IDO2: variants seen among roughly 807,000 people sequenced by gnomAD.
IDO2 encodes indoleamine 2,3-dioxygenase 2.
A neutral mutation model predicts 45.1 loss-of-function variants in IDO2; 46 were observed. The ratio of observed to expected loss-of-function variants is 1.02; its 90% CI spans 0.80 to 1.30. The LOEUF is 1.30. Among genes scored for constraint, IDO2 ranks in the 50% most tolerant of loss-of-function variants. The probability of loss-of-function intolerance (pLI) is 0.00; values close to 1 mark genes in which losing one functional copy is unlikely to be tolerated. For missense variants in IDO2, 544 were observed against 491.8 expected, an observed-to-expected ratio of 1.11 and a Z score of -1.00; for synonymous variants, 218 against 184.9, an observed-to-expected ratio of 1.18 and a Z score of -1.45.
At chr8:39,975,262 T>G (rs1808243203) in intron 3 of IDO2, among the ~76,000 whole-genome samples, 1 of 150,908 alleles carries the variant, frequency 6.6e-6, no homozygotes, top group Admixed American at 6.6e-5. Flanking sequence ...ACCTCCTGGG[T>G]TCACGCCATT....
intron 1 of IDO2, among the ~76,000 whole-genome samples, chr8:39,938,963 C>T (rs1020452191): frequency 6.6e-6 from 1 of 152,134 alleles, no homozygotes; most frequent in Non-Finnish European, 1.5e-5. Flanking sequence ...CAGTAGAAAT[C>T]CACACTCATG....
chr8:40,013,285 T>C (rs868111104), intron 9 of IDO2, among the ~76,000 whole-genome samples: 30 of 152,154 alleles, frequency 2.0e-4, no homozygotes, highest in African/African-American at 7.2e-4. Flanking sequence ...AATAAATATG[T>C]CTTGGGACCT....
At chr8:40,015,168 TAAAA>T in intron 10 of IDO2, 75 bp from the exon 11 acceptor site, 2 of 841,044 alleles carry the variant, frequency 2.4e-6, no homozygotes, top group Non-Finnish European at 1.8e-6. Context: ...AAAAAAAAAA[TAAAA>T]AAGAAGAAGA....
At chr8:40,008,986 T>C (rs1802263478) in intron 9 of IDO2, among the ~76,000 whole-genome samples, 1 of 150,576 alleles carries the variant, frequency 6.6e-6, no homozygotes, top group South Asian at 2.1e-4. Context: ...TGATTTATCC[T>C]ATTTTTGATT....
At chr8:39,949,213 G>C in exon 2 of IDO2, 1 of 1,607,216 alleles carries the variant, frequency 6.2e-7, no homozygotes, top group Non-Finnish European at 8.5e-7. Flanking sequence ...CATTGTCTTT[G>C]GAAAGCTATC....
chr8:39,982,696 G>T (rs771490933), exon 5 of IDO2: 111 of 1,611,838 alleles, frequency 6.9e-5, no homozygotes, highest in Non-Finnish European at 8.5e-7. Context: ...AAGTCTCCAG[G>T]AACTTGGGGC....
intron 4 of IDO2, among the ~76,000 whole-genome samples, chr8:39,981,776 G>T (rs555483814): frequency 6.6e-6 from 1 of 152,256 alleles, no homozygotes; most frequent in South Asian, 2.1e-4. Flanking sequence ...TTATCTTAAG[G>T]AGAAATGAAA....
At chr8:40,006,772 T>C (rs1036187630) in intron 9 of IDO2, among the ~76,000 whole-genome samples, 31 of 152,208 alleles carry the variant, frequency 2.0e-4, no homozygotes, top group African/African-American at 7.2e-4. Context: ...ACTACTCTCC[T>C]GCCTCAGCCT....
At position 39,969,511 on chromosome 8, in the gene IDO2, C is replaced by A. The variant is rs1808148544; in HGVS notation, c.195+5808C>A. ...GAGACATAATAATATTGAAATTAGG[C>A]CAATTAATAATCCTACAATGGCCTC... is the stretch of plus-strand genomic sequence containing the variant. On this transcript the variant is annotated intron_variant, in intron 3 of 10. Coordinates refer to ENST00000502986, the Ensembl canonical transcript of IDO2. 1.3e-5 allele frequency among the ~76,000 whole-genome samples: 2 copies of A among 152,060 alleles called. 1 individual carries two copies. Among genetic ancestry groups the A allele is most frequent in the Non-Finnish European group, 2.9e-5 (2 of 68,022 alleles).
chr8:39,988,931 A>G (rs1808462929), intron 7 of IDO2, among the ~76,000 whole-genome samples: 3 of 152,188 alleles, frequency 2.0e-5, no homozygotes, highest in Admixed American at 1.3e-4. Flanking sequence ...CAAGGAAGAC[A>G]AGGAAGTCTT....
At chr8:39,965,481 T>C (rs1808070912) in intron 3 of IDO2, among the ~76,000 whole-genome samples, 1 of 151,832 alleles carries the variant, frequency 6.6e-6, no homozygotes, top group South Asian at 2.1e-4. Context: ...AGTGAGACTC[T>C]GTCTCAAAAA....
In IDO2 at chr8:39,970,940, C is replaced by T. The variant is rs1481655396; in HGVS notation, c.195+7237C>T. Among the ~76,000 whole-genome samples the T allele has an allele frequency of 4.0e-5, 6 of 150,956 alleles. No individual in the cohort carries two copies. The East Asian group carries it at 5.9e-4, about 15-fold the overall frequency. Reference sequence around the variant, plus strand: ...TGCCACCATGCCCAGCTAATTTTTGCAGTTTTAGTAGAGACGGGGTTTCAC... The same window carrying T: ...TGCCACCATGCCCAGCTAATTTTTGTAGTTTTAGTAGAGACGGGGTTTCAC... On this transcript the variant is annotated intron_variant, in intron 3 of 10. Transcript: ENST00000502986.
chr8:39,965,270 G>A (rs1195525445), intron 3 of IDO2, among the ~76,000 whole-genome samples: 1 of 152,158 alleles, frequency 6.6e-6, no homozygotes, highest in Non-Finnish European at 1.5e-5. Flanking sequence ...CGGATTGCCT[G>A]AGCTCAGGAG....
At chr8:39,950,895 T>C (rs1252135983) in intron 2 of IDO2, among the ~76,000 whole-genome samples, 4 of 152,174 alleles carry the variant, frequency 2.6e-5, no homozygotes, top group Non-Finnish European at 5.9e-5. Context: ...CGACAGCTGA[T>C]TTGGACAGCC....
chr8:39,956,418 T>A (rs1474425239), intron 2 of IDO2, among the ~76,000 whole-genome samples: 1 of 152,236 alleles, frequency 6.6e-6, no homozygotes, highest in Non-Finnish European at 1.5e-5. Flanking sequence ...TATCCGTTGA[T>A]ATAGCATAGC....
chr8:39,980,694 G>A (rs540498328), intron 4 of IDO2, among the ~76,000 whole-genome samples: 18 of 152,182 alleles, frequency 1.2e-4, no homozygotes, highest in Non-Finnish European at 2.4e-4. Flanking sequence ...ACTCAGGGAA[G>A]AGGAAAAGTG....
At chr8:39,965,180 C>T (rs1333554779) in intron 3 of IDO2, among the ~76,000 whole-genome samples, 2 of 152,182 alleles carry the variant, frequency 1.3e-5, no homozygotes, top group Non-Finnish European at 2.9e-5. Context: ...TGAAATCTAT[C>T]ACCTAACATT....
intron 2 of IDO2, among the ~76,000 whole-genome samples, chr8:39,953,138 G>A (rs1380383557): frequency 2.6e-5 from 4 of 152,038 alleles, no homozygotes; most frequent in Non-Finnish European, 5.9e-5. Flanking sequence ...TCCTGACCTC[G>A]TGATCTGCCC....
At chr8:39,968,897 A>G (rs568190302) in intron 3 of IDO2, among the ~76,000 whole-genome samples, 6 of 152,162 alleles carry the variant, frequency 3.9e-5, no homozygotes, top group African/African-American at 1.4e-4. Context: ...GTAAAAAAAA[A>G]AAAAACAAAC....
Sources: allele counts gnomAD v4.1 joint callset (sites outside exome capture counted in the v4.1 genomes callset), GRCh38; gene constraint gnomAD v4.1.1; transcripts MANE v1.5; gene names NCBI Gene and HGNC (gene_info 2026-07-23, HGNC 2026-07-21).